Variants in RGL1 observed in about 807,000 individuals in gnomAD.
RGL1 encodes ral guanine nucleotide dissociation stimulator like 1, also known as ral guanine nucleotide dissociation stimulator-like 1.
A neutral mutation model predicts 95.2 loss-of-function variants in RGL1; 24 were observed. The ratio of observed to expected loss-of-function variants is 0.25; its 90% CI spans 0.18 to 0.35. The LOEUF is 0.35. Among genes scored for constraint, RGL1 ranks in the 10% least tolerant of loss-of-function variants. The pLI is 1.00. For missense variants in RGL1, 715 were observed against 936.3 expected, an observed-to-expected ratio of 0.76 and a Z score of 3.08; for synonymous variants, 329 against 344.9, an observed-to-expected ratio of 0.95 and a Z score of 0.51.
At chr1:183,728,501 A>G (rs1301444665) in intron 1 of RGL1, among the ~76,000 whole-genome samples, 1 of 152,136 alleles carries the variant, frequency 6.6e-6, no homozygotes, top group Non-Finnish European at 1.5e-5. Flanking sequence ...AAACATTTCT[A>G]TGTGAAATTT....
At chr1:183,700,255 A>T (rs1299079762) in intron 1 of RGL1, among the ~76,000 whole-genome samples, 2 of 152,152 alleles carry the variant, frequency 1.3e-5, no homozygotes, top group African/African-American at 4.8e-5. Context: ...TAGGCTGATG[A>T]TAGTAGCTTT....
chr1:183,770,155 G>A (rs560780365), intron 2 of RGL1, among the ~76,000 whole-genome samples: 11 of 152,314 alleles, frequency 7.2e-5, no homozygotes, highest in African/African-American at 2.4e-4. Context: ...GGTTGGGCTT[G>A]TTTAACCTGC....
chr1:183,907,146 A>G, intron 14 of RGL1, 45 bp downstream of exon 14: 1 of 1,111,546 alleles, frequency 9.0e-7, no homozygotes, highest in Non-Finnish European at 1.4e-6. Flanking sequence ...GGGTGCCATC[A>G]GAGTCGTGAG....
chr1:183,763,256 G>C (rs1658798908), intron 2 of RGL1, among the ~76,000 whole-genome samples: 1 of 152,158 alleles, frequency 6.6e-6, no homozygotes, highest in Non-Finnish European at 1.5e-5. Context: ...GGGACTAGGG[G>C]AGAAATAGCA....
intron 4 of RGL1, among the ~76,000 whole-genome samples, chr1:183,875,423 G>A (rs543850833): frequency 3.1e-4 from 47 of 152,244 alleles, no homozygotes; most frequent in African/African-American, 1.1e-3. Flanking sequence ...GCGCATAATC[G>A]CTGCCTAAAT....
intron 1 of RGL1, among the ~76,000 whole-genome samples, chr1:183,663,697 G>A (rs1259573502): frequency 6.6e-6 from 1 of 151,692 alleles, no homozygotes; most frequent in East Asian, 1.9e-4. Flanking sequence ...ATTTGACCCA[G>A]CCATCCCATT....
chr1:183,814,387 G>A (rs1422607305), intron 2 of RGL1, among the ~76,000 whole-genome samples: 1 of 152,058 alleles, frequency 6.6e-6, no homozygotes, highest in Admixed American at 6.6e-5. Flanking sequence ...GATAACAGTG[G>A]TGGTGGTTGG....
chr1:183,773,964 A>G (rs1051707345), intron 2 of RGL1, among the ~76,000 whole-genome samples: 2 of 152,304 alleles, frequency 1.3e-5, no homozygotes, highest in Non-Finnish European at 2.9e-5. Flanking sequence ...AGAAAAAAAA[A>G]AAGCCAGGAT....
intron 9 of RGL1, among the ~76,000 whole-genome samples, 158 bp from the exon 10 acceptor site, chr1:183,897,650 A>C (rs1453930905): frequency 6.6e-6 from 1 of 152,156 alleles, no homozygotes; most frequent in Non-Finnish European, 1.5e-5. Flanking sequence ...GTATTTGCAT[A>C]ATATACATCG....
intron 1 of RGL1, among the ~76,000 whole-genome samples, chr1:183,691,515 G>T (rs1280964003): frequency 6.6e-6 from 1 of 152,090 alleles, no homozygotes; most frequent in Non-Finnish European, 1.5e-5. Flanking sequence ...TCATATTATT[G>T]GTTTATGTAA....
intron 1 of RGL1, among the ~76,000 whole-genome samples, chr1:183,684,676 G>GGCT (rs1653454048): frequency 1.3e-5 from 2 of 152,176 alleles, no homozygotes; most frequent in South Asian, 4.1e-4. Context: ...CTGCTCAAAT[G>GGCT]GCTGCCCAGT....
chr1:183,848,353 CT>C (rs1664588942), intron 3 of RGL1, among the ~76,000 whole-genome samples: 1 of 152,170 alleles, frequency 6.6e-6, no homozygotes, highest in Non-Finnish European at 1.5e-5. Context: ...CACTGTTAAA[CT>C]TTAGATTTTC....
At chr1:183,785,997 G>A (rs116637942) in intron 2 of RGL1, among the ~76,000 whole-genome samples, 8,279 of 152,030 alleles carry the variant, frequency 0.054, 244 homozygotes, top group East Asian at 0.08. Flanking sequence ...AGGATCGCTT[G>A]AGCCCAGGAG....
chr1:183,925,777 T>C (rs1669579868), intron 17 of RGL1, among the ~76,000 whole-genome samples: 1 of 152,230 alleles, frequency 6.6e-6, no homozygotes, highest in Non-Finnish European at 1.5e-5. Flanking sequence ...TGCTATTCAC[T>C]AGCTGCCATC....
chr1:183,661,829 G>A (rs1298110608), intron 1 of RGL1, among the ~76,000 whole-genome samples: 4 of 150,526 alleles, frequency 2.7e-5, no homozygotes, highest in South Asian at 4.2e-4. Context: ...CTGGCAAACC[G>A]AATCCAGCAG....
chr1:183,758,283 G>C (rs1658466061), intron 2 of RGL1, among the ~76,000 whole-genome samples: 1 of 150,634 alleles, frequency 6.6e-6, no homozygotes, highest in Admixed American at 6.6e-5. Flanking sequence ...TGCAAGCTCT[G>C]CCTCCTGGGT....
chr1:183,784,301 G>T (rs1365623531), intron 2 of RGL1, among the ~76,000 whole-genome samples: 3 of 152,210 alleles, frequency 2.0e-5, no homozygotes, highest in African/African-American at 2.4e-5. Flanking sequence ...CTGATACTGG[G>T]AAATACAGGA....
chr1:183,687,627 C>G (rs1653681634), intron 1 of RGL1, among the ~76,000 whole-genome samples: 1 of 152,226 alleles, frequency 6.6e-6, no homozygotes, highest in South Asian at 2.1e-4. Context: ...CAAGGCTCAA[C>G]AAATGACTGG....
In RGL1 at chr1:183,919,863, C is replaced by T. The variant is rs184075376; in HGVS notation, c.2005-2359C>T. 7.0e-4 allele frequency among the ~76,000 whole-genome samples: 106 copies of T among 152,144 alleles called. 1 individual carries two copies. The highest frequency in any genetic ancestry group is 2.0e-3 in the African/African-American group (84 of 41,502). On this transcript the variant is annotated intron_variant, in intron 16 of 17. Transcript: ENST00000360851. The stretch of plus-strand genomic sequence containing the variant: ...TACAGCAGCCACTGGCCACGGGTGG[C>T]GATGGAGCATTTGAAATGGGAATAC...
Sources: gnomAD v4.1 joint callset for allele counts (sites outside exome capture counted in the v4.1 genomes callset) on GRCh38, gnomAD v4.1.1 for gene constraint, MANE v1.5 for transcripts, NCBI Gene and HGNC (gene_info 2026-07-23, HGNC 2026-07-21) for gene names.